PRKDC: variants seen among roughly 807,000 people sequenced by gnomAD.
PRKDC encodes DNA-dependent protein kinase catalytic subunit.
A neutral mutation model predicts 486.9 loss-of-function variants in PRKDC; 82 were observed. That is an observed-to-expected ratio of 0.17 (90% CI 0.14 to 0.20). PRKDC has a LOEUF of 0.20. Among genes scored for constraint, PRKDC ranks in the 10% least tolerant of loss-of-function variants. The pLI, the probability that PRKDC is intolerant of heterozygous loss-of-function variation, is 1.00. For synonymous variants in PRKDC, 1,895 were observed against 1,837.0 expected, an observed-to-expected ratio of 1.03 and a Z score of -0.81; for missense variants, 4,504 against 5,038.2, an observed-to-expected ratio of 0.89 and a Z score of 3.21.
chr8:47,958,638 A>C (rs1250301685), intron 1 of PRKDC, among the ~76,000 whole-genome samples: 2 of 152,212 alleles, frequency 1.3e-5, no homozygotes, highest in Admixed American at 1.3e-4. Context: ...GAGAAGAGAA[A>C]GTAATCACGC....
intron 28 of PRKDC, among the ~76,000 whole-genome samples, chr8:47,899,100 G>T (rs886684117): frequency 1.3e-5 from 2 of 152,204 alleles, no homozygotes; most frequent in Non-Finnish European, 2.9e-5. Flanking sequence ...CAGAAGTCTG[G>T]AATTATTTAG....
chr8:47,859,042 G>A, intron 46 of PRKDC, 56 bp from the exon 47 acceptor site: 1 of 1,587,402 alleles, frequency 6.3e-7, no homozygotes, highest in African/African-American at 1.3e-5. Context: ...CAGTGGACAA[G>A]GCAGTGGATG....
Position 47,830,672 on chromosome 8 carries a change from T to A in PRKDC, c.8330A>T (p.His2777Leu). 6.2e-7 allele frequency: 1 copy of A among 1,614,004 alleles called. No homozygotes were observed. Among genetic ancestry groups the A allele is most frequent in the Non-Finnish European group, 8.5e-7 (1 of 1,179,896 alleles). ...AQVVLYRSYR[H>L]GDLPDIQIKH... is the part of the protein sequence containing the mutation. The stretch of plus-strand genomic sequence containing the variant: ...GATCTGAATGTCAGGAAGGTCTCCG[T>A]GCCGGTAGCTTCTGTACAGAACGAC... The change falls in exon 61 of 86, where the codon CAC becomes CTC. Residue 2777 changes from histidine (H) to leucine (L), a missense_variant. By Grantham distance (99) the His-to-Leu change is moderately conservative (BLOSUM62 -3). Around this residue, in one of 6 missense-constraint regions of PRKDC, gnomAD observed 1,592 missense variants for 1,724.6 expected, o/e 0.92. Transcript: ENST00000314191.
rs780047835 is a variant in PRKDC at position 47,893,344 on chromosome 8, T to C, written c.3642A>G (p.Glu1214=). The C allele has an allele frequency of 1.9e-6, 3 of 1,559,862 alleles. No individual in the cohort carries two copies. The highest frequency in any genetic ancestry group is 1.9e-5 in the Admixed American group (1 of 53,836). Residue 1214 remains glutamate (E), a synonymous_variant, in exon 31 of 86, where the codon GAA becomes GAG. Transcript: ENST00000314191. ...TGTTGATGAGAAAAGAGACACCTTC[T>C]TCCTTGAGAACATCTTTCAGCCACA... ...PNLWLKDVLK[E]EGVSFLINTF...
chr8:47,814,100 T>A lies in PRKDC; in HGVS notation c.9557+3350A>T, dbSNP rs74769469. ...ATTTAAAAAGCATCAAAGCTAATACTTCATAAACACAATAAAGGAGAAAAA... is the reference window on the plus strand; with the variant it reads ...ATTTAAAAAGCATCAAAGCTAATACATCATAAACACAATAAAGGAGAAAAA... On this transcript the variant is annotated intron_variant, in intron 68 of 85. Transcript: ENST00000314191. Among the ~76,000 whole-genome samples, 847 of 152,318 alleles carry A rather than the reference T, an allele frequency of 5.6e-3. 21 individuals are homozygous for A. In the East Asian group the frequency reaches 0.084, roughly 15 times the overall value.
chr8:47,813,908 C>T (rs778829583), intron 68 of PRKDC, among the ~76,000 whole-genome samples: 14 of 152,030 alleles, frequency 9.2e-5, no homozygotes, highest in Non-Finnish European at 1.6e-4. Flanking sequence ...GGGAACATGC[C>T]TTACTCATCT....
intron 74 of PRKDC, 147 bp from the exon 75 acceptor site, chr8:47,789,385 C>CAT (rs1010137415): frequency 2.2e-5 from 5 of 229,318 alleles, no homozygotes; most frequent in Non-Finnish European, 2.4e-5. Context: ...TTATACATAT[C>CAT]ATATATATAT....
chr8:47,874,596 A>G (rs1175133770), intron 40 of PRKDC, among the ~76,000 whole-genome samples: 1 of 149,948 alleles, frequency 6.7e-6, no homozygotes, highest in Non-Finnish European at 1.5e-5. Flanking sequence ...TGTGTCTACT[A>G]AAAATACAAA....
intron 52 of PRKDC, among the ~76,000 whole-genome samples, chr8:47,851,254 G>A (rs1475742178): frequency 6.6e-6 from 1 of 152,192 alleles, no homozygotes; most frequent in Non-Finnish European, 1.5e-5. Context: ...TAAACCTGGG[G>A]ATCTGCTGTA....
intron 51 of PRKDC, among the ~76,000 whole-genome samples, chr8:47,853,082 T>G (rs2088448531): frequency 6.6e-6 from 1 of 152,152 alleles, no homozygotes; most frequent in Non-Finnish European, 1.5e-5. Flanking sequence ...AGAGCTACTA[T>G]CCAAGATCAC....
intron 27 of PRKDC, among the ~76,000 whole-genome samples, chr8:47,902,135 C>T (rs930266068): frequency 9.2e-5 from 14 of 152,168 alleles, no homozygotes; most frequent in Admixed American, 8.5e-4. Context: ...AGGACTTTAT[C>T]GCCTCAGACA....
In PRKDC at chr8:47,794,414, G is replaced by A; in HGVS notation, c.10546C>T (p.His3516Tyr). 3 of 1,613,734 alleles carry A rather than the reference G, an allele frequency of 1.9e-6. No individual in the cohort carries two copies. The highest frequency in any genetic ancestry group is 2.5e-6 in the Non-Finnish European group (3 of 1,179,640). The change falls in exon 74 of 86, where the codon CAC becomes TAC. Residue 3516 changes from histidine (H) to tyrosine (Y), a missense_variant. Transcript: ENST00000314191. ...TTATCAGTGATTTCTTCCACAGAGT[G>A]CTGAACAGCAACGGCTTGGTCTTTG... is the stretch of plus-strand genomic sequence containing the variant. The part of the protein sequence containing the change: ...LDKDQAVAVQ[H>Y]SVEEITDNYP...
chr8:47,777,617 C>T lies in PRKDC; in HGVS notation c.12042+69G>A, dbSNP rs8178254. 3.6e-3 allele frequency: 5,098 copies of T among 1,420,728 alleles called. 50 individuals are homozygous for T. Among genetic ancestry groups the T allele is most frequent in the South Asian group, 0.025 (1,741 of 69,582 alleles). The allele number at this position is 1,420,728 out of a possible 1,614,324, so 88.0% of individuals were successfully genotyped here. A position where few individuals can be genotyped will look rare whatever the true frequency, so the allele number is the denominator to read the frequency against. On this transcript the variant is annotated intron_variant, in intron 84 of 85. Transcript: ENST00000314191. ...TGACTCAATGCACTTCCATCATACACGAGAGATACCAGCTTGATCACGGGG... is the reference window on the plus strand; with the variant it reads ...TGACTCAATGCACTTCCATCATACATGAGAGATACCAGCTTGATCACGGGG...
In PRKDC at chr8:47,912,491, C is replaced by G. The variant is rs2089920931; in HGVS notation, c.2853G>C (p.Gly951=). The G allele has an allele frequency of 6.2e-7, 1 of 1,612,678 alleles. No individual in the cohort carries two copies. The highest frequency in any genetic ancestry group is 2.2e-5 in the East Asian group (1 of 44,802). Reference sequence around the variant, plus strand: ...GGTACATGGGTGGGGCTCCCTGTCCCCCTTCTGGCATCTGCGTGGCTTTGC... The same window carrying G: ...GGTACATGGGTGGGGCTCCCTGTCCGCCTTCTGGCATCTGCGTGGCTTTGC... ...MLGKATQMPE[G]GQGAPPMYQL... is the part of the protein sequence containing the mutation. Residue 951 remains glycine (G), a synonymous_variant, in exon 25 of 86, where the codon GGG becomes GGC. Coordinates refer to ENST00000314191, the MANE Select transcript of PRKDC (RefSeq NM_006904.7).
intron 28 of PRKDC, 23 bp downstream of exon 28, chr8:47,900,350 C>T (rs778319220): frequency 2.1e-5 from 33 of 1,574,160 alleles, no homozygotes; most frequent in East Asian, 2.3e-5. Flanking sequence ...GTAACGCACA[C>T]AGAACACTGA....
intron 48 of PRKDC, 121 bp downstream of exon 48, chr8:47,858,395 T>A: frequency 1.0e-6 from 1 of 971,278 alleles, no homozygotes; most frequent in Non-Finnish European, 1.4e-6. Context: ...CCCCTTTATA[T>A]TTTCCTTTTT....
At chr8:47,929,237 T>C in intron 18 of PRKDC, 59 bp from the exon 19 acceptor site, 1 of 1,161,476 alleles carries the variant, frequency 8.6e-7, no homozygotes, top group Non-Finnish European at 1.3e-6. Flanking sequence ...TGTATCCCAA[T>C]CCAGTAGTTC....
At chr8:47,825,504 CAAAAAAAAAAAAA>C (rs397891351) in intron 63 of PRKDC, among the ~76,000 whole-genome samples, 4 of 10,258 alleles carry the variant, frequency 3.9e-4, no homozygotes, top group East Asian at 3.2e-3. Flanking sequence ...AAGACTGTCT[CAAAAAAAAAAAAA>C]AAAAAAAAAA....
At chr8:47,879,722 T>A in intron 38 of PRKDC, 64 bp from the exon 39 acceptor site, 1 of 1,320,754 alleles carries the variant, frequency 7.6e-7, no homozygotes, top group Non-Finnish European at 1.0e-6. Flanking sequence ...ACAGAATAAA[T>A]AAAATTACTG....
Sources: gnomAD v4.1 joint callset for allele counts (sites outside exome capture counted in the v4.1 genomes callset) on GRCh38, gnomAD v4.1.1 for gene constraint, gnomAD v4.1.1 regional missense constraint, MANE v1.5 for transcripts, NCBI Gene and HGNC (gene_info 2026-07-23, HGNC 2026-07-21) for gene names.